The following ZFAND4 variants were observed in gnomAD, a reference collection of about 807,000 sequenced individuals.
The protein encoded by ZFAND4 is zinc finger AN1-type containing 4.
ZFAND4 carries 43 observed loss-of-function variants against 64.4 expected under a neutral mutation model. That is an observed-to-expected ratio of 0.67 (90% CI 0.52 to 0.86). The LOEUF is 0.86. Ranked by LOEUF, ZFAND4 falls within the 40% of genes least tolerant of loss-of-function variation. The probability of loss-of-function intolerance (pLI) is 0.00; values close to 1 mark genes in which losing one functional copy is unlikely to be tolerated. For missense variants in ZFAND4, 929 were observed against 859.8 expected (o/e 1.08, Z -1.01); for synonymous variants, 296 against 305.7 (o/e 0.97, Z 0.33).
intron 5 of ZFAND4, among the ~76,000 whole-genome samples, chr10:45,647,874 T>C (rs910720231): frequency 6.6e-6 from 1 of 152,208 alleles, no homozygotes; most frequent in Non-Finnish European, 1.5e-5. Context: ...GCTAAATATA[T>C]GTAGGGTTTT....
intron 7 of ZFAND4, among the ~76,000 whole-genome samples, chr10:45,625,258 G>A (rs2045718319): frequency 6.6e-6 from 1 of 150,646 alleles, no homozygotes; most frequent in African/African-American, 2.4e-5. Flanking sequence ...GGATCACGAG[G>A]TCAGGAGATC....
At chr10:45,642,708 A>G (rs2047096102) in intron 5 of ZFAND4, among the ~76,000 whole-genome samples, 2 of 151,098 alleles carry the variant, frequency 1.3e-5, no homozygotes, top group African/African-American at 4.9e-5. Flanking sequence ...GAACCACATT[A>G]TTTTGTTTTC....
At chr10:45,620,964 TG>T (rs2045377492) in intron 8 of ZFAND4, 1 of 152,212 alleles carries the variant, frequency 6.6e-6, no homozygotes. Flanking sequence ...ATCATATTGA[TG>T]GTAAGAGTTG....
intron 7 of ZFAND4, 99 bp from the exon 8 acceptor site, chr10:45,624,736 T>C (rs2045675086): frequency 1.0e-6 from 1 of 982,126 alleles, no homozygotes; most frequent in Admixed American, 2.6e-5. Flanking sequence ...AAGATGCTGT[T>C]GGACTTTCAT....
intron 6 of ZFAND4, among the ~76,000 whole-genome samples, chr10:45,630,101 T>C (rs560279974): frequency 9.2e-5 from 14 of 152,096 alleles, no homozygotes; most frequent in African/African-American, 3.1e-4. Context: ...CAAATCCATG[T>C]AAAGCTGCTA....
At position 45,624,479 on chromosome 10, in the gene ZFAND4, A is replaced by G. The variant is rs2045654023; in HGVS notation, c.1927+104T>C. On this transcript the variant is annotated intron_variant, in intron 8 of 9. Transcript: ENST00000344646. ...TTTAGAGACAGAATTTACTCTGTAC[A>G]TGCCACAGAGAAGGTTCTTCCCATT... is the stretch of plus-strand genomic sequence containing the variant. The G allele has an allele frequency of 4.1e-5, 41 of 988,884 alleles. No homozygotes were observed. The South Asian group carries it at 5.7e-4, about 14-fold the overall frequency. The allele number at this position is 988,884 out of a possible 1,614,324, so 61.3% of individuals were successfully genotyped here.
intron 3 of ZFAND4, among the ~76,000 whole-genome samples, chr10:45,652,575 CA>C: frequency 6.6e-6 from 1 of 152,106 alleles, no homozygotes; most frequent in Non-Finnish European, 1.5e-5. Context: ...TGCTTAGTAA[CA>C]AAAGGAGGGC....
intron 8 of ZFAND4, among the ~76,000 whole-genome samples, chr10:45,622,797 G>C (rs533861380): frequency 6.6e-6 from 1 of 152,274 alleles, no homozygotes; most frequent in African/African-American, 2.4e-5. Flanking sequence ...CGTTGAAGAC[G>C]GGAGTTTGAA....
At chr10:45,662,661 C>T (rs2048554702) in intron 2 of ZFAND4, 3 of 985,398 alleles carry the variant, frequency 3.0e-6, no homozygotes, top group Non-Finnish European at 3.6e-6. Flanking sequence ...CAGCCACTCA[C>T]TTCAGTAGGA....
chr10:45,619,043 CA>C lies in ZFAND4; in HGVS notation c.1928-784del, dbSNP rs530579610. 2.5e-3 allele frequency among the ~76,000 whole-genome samples: 369 copies of C among 150,342 alleles called. 2 individuals are homozygous for C. The highest frequency in any genetic ancestry group is 1.3e-3 in the Non-Finnish European group (91 of 67,548). On this transcript the variant is annotated intron_variant, in intron 8 of 9. Transcript: ENST00000344646. ...GTTATTATATAAGAAAGAATTAAATCAATTTTTTTTTTTTTTGAGACATTTT... is the reference window on the plus strand; with the variant it reads ...GTTATTATATAAGAAAGAATTAAATCATTTTTTTTTTTTTTGAGACATTTT...
chr10:45,628,921 A>T (rs1166505409), intron 6 of ZFAND4, among the ~76,000 whole-genome samples: 1 of 149,744 alleles, frequency 6.7e-6, no homozygotes, highest in Admixed American at 6.6e-5. Context: ...AAAAAAAGGG[A>T]AAAAAAATAA....
At chr10:45,645,124 G>C (rs1314468585) in intron 5 of ZFAND4, among the ~76,000 whole-genome samples, 1 of 151,960 alleles carries the variant, frequency 6.6e-6, no homozygotes, top group Non-Finnish European at 1.5e-5. Flanking sequence ...TGGGACTACA[G>C]GTGTGCACCA....
intron 4 of ZFAND4, among the ~76,000 whole-genome samples, 173 bp from the exon 5 acceptor site, chr10:45,648,707 T>C (rs936631195): frequency 2.6e-5 from 4 of 152,196 alleles, no homozygotes; most frequent in Admixed American, 6.5e-5. Flanking sequence ...GCATTCCCTA[T>C]GTTATATTAA....
At chr10:45,618,113 C>T (rs774609325) in intron 9 of ZFAND4, 27 bp downstream of exon 9, 1 of 1,597,332 alleles carries the variant, frequency 6.3e-7, no homozygotes, top group Non-Finnish European at 8.5e-7. Flanking sequence ...GAGAAAGCAT[C>T]TGAGCTTCTC....
Position 45,639,849 on chromosome 10 carries a change from C to T in ZFAND4, c.684G>A (p.Lys228=). The T allele has an allele frequency of 6.2e-7, 1 of 1,612,264 alleles. No individual in the cohort carries two copies. The highest frequency in any genetic ancestry group is 2.2e-5 in the East Asian group (1 of 44,804). Reference sequence around the variant, plus strand: ...TGAGATTCATGTTCTTCATCTTAGCCTTCAGCAGCTTCATCTTATTCATAG... The same window carrying T: ...TGAGATTCATGTTCTTCATCTTAGCTTTCAGCAGCTTCATCTTATTCATAG... The part of the protein sequence containing the change: ...SITMNKMKLL[K]AKMKNMNLSK... Residue 228 remains lysine, a synonymous_variant, in exon 6 of 10, where the codon AAG becomes AAA. Coordinates refer to ENST00000344646, the MANE Select transcript of ZFAND4 (RefSeq NM_174890.4).
intron 8 of ZFAND4, among the ~76,000 whole-genome samples, chr10:45,621,132 G>A (rs551694752): frequency 6.6e-6 from 1 of 152,306 alleles, no homozygotes; most frequent in East Asian, 1.9e-4. Context: ...AAGGCTGGTA[G>A]TCGTCTGCCT....
chr10:45,670,761 A>ACAT (rs1261059141), intron 1 of ZFAND4, among the ~76,000 whole-genome samples: 1 of 152,238 alleles, frequency 6.6e-6, no homozygotes, highest in Non-Finnish European at 1.5e-5. Flanking sequence ...ACCATTCAGG[A>ACAT]CATAGGCATG....
rs1272974814 is a variant in ZFAND4 at position 45,626,289 on chromosome 10, C to T, written c.1534G>A (p.Val512Ile). 5 of 1,614,056 alleles carry T rather than the reference C, an allele frequency of 3.1e-6. No individual in the cohort carries two copies. In the Admixed American group the frequency reaches 8.3e-5, roughly 27 times the overall value. The change falls in exon 7 of 10, where the codon GTT (valine) becomes ATT (isoleucine). Residue 512 changes from valine (V) to isoleucine (I), a missense_variant. Transcript: ENST00000344646. The stretch of plus-strand genomic sequence containing the variant: ...AAAGAAGAATCAGTTATGTTTTGAA[C>T]ATCCAGTGACTGAGAAGAAGAAGGC... ...LQPSSSQSLDVQNITDSSFSR... is the reference protein window; with the variant it reads ...LQPSSSQSLDIQNITDSSFSR...
chr10:45,622,000 C>A (rs2045463667), intron 8 of ZFAND4, among the ~76,000 whole-genome samples: 1 of 152,110 alleles, frequency 6.6e-6, no homozygotes, highest in Non-Finnish European at 1.5e-5. Context: ...TGAACTAGAG[C>A]TGAGTGAGTA....
Sources: gnomAD v4.1 joint callset for allele counts (sites outside exome capture counted in the v4.1 genomes callset) on GRCh38, gnomAD v4.1.1 for gene constraint, MANE v1.5 for transcripts, NCBI Gene and HGNC (gene_info 2026-07-23, HGNC 2026-07-21) for gene names.